HPSE: variants seen among roughly 807,000 people sequenced by gnomAD.
HPSE encodes the protein endo-glucoronidase.
A neutral mutation model predicts 65.1 loss-of-function variants in HPSE; 48 were observed. The ratio of observed to expected loss-of-function variants is 0.74; its 90% CI spans 0.58 to 0.94. The LOEUF (loss-of-function observed/expected upper bound fraction) is 0.94. Ranked by LOEUF, HPSE falls within the 40% of genes least tolerant of loss-of-function variation. HPSE has a pLI of 0.00. For synonymous variants in HPSE, 243 were observed against 260.0 expected (o/e 0.93, Z 0.63); for missense variants, 644 against 637.5 (o/e 1.01, Z -0.11).
In HPSE at chr4:83,322,221, T is replaced by G. The variant is rs1303294111; in HGVS notation, c.371A>C (p.Gln124Pro). Residue 124 changes from glutamine (Q) to proline (P), a missense_variant and splice_region_variant, in exon 2 of 12, where the codon CAG becomes CCG. By Grantham distance (76) the Gln-to-Pro change is moderately conservative. Coordinates refer to ENST00000311412, the MANE Select transcript of HPSE (RefSeq NM_001098540.3). The stretch of plus-strand genomic sequence containing the variant: ...AGTGAATCTTTAAAAATTTTCACCC[T>G]GGTTGACTTGAGATTGCCAGTAACT... Reference protein sequence around the residue: ...ERSYWQSQVNQDICKYGSIPP... With the variant: ...ERSYWQSQVNPDICKYGSIPP... The G allele has an allele frequency of 1.2e-6, 2 of 1,612,612 alleles. No individual in the cohort carries two copies. Among genetic ancestry groups the G allele is most frequent in the South Asian group, 2.2e-5 (2 of 90,730 alleles).
chr4:83,311,455 G>A (rs1316672737), intron 4 of HPSE, among the ~76,000 whole-genome samples: 1 of 152,074 alleles, frequency 6.6e-6, no homozygotes, highest in Non-Finnish European at 1.5e-5. Context: ...CAATGGATAT[G>A]GATATCTGGG....
intron 3 of HPSE, among the ~76,000 whole-genome samples, chr4:83,317,944 A>G (rs1480865951): frequency 1.3e-5 from 2 of 152,208 alleles, no homozygotes; most frequent in African/African-American, 2.4e-5. Context: ...GTCAGAGTAG[A>G]TCGCCCTCTT....
intron 4 of HPSE, among the ~76,000 whole-genome samples, chr4:83,311,527 G>A (rs1184128032): frequency 6.6e-6 from 1 of 151,946 alleles, no homozygotes; most frequent in Non-Finnish European, 1.5e-5. Flanking sequence ...TTTGAGACCG[G>A]GCACAGTGGC....
In HPSE at chr4:83,326,233, C is replaced by CT. The variant is rs950121019; in HGVS notation, c.228-3870dup. On this transcript the variant is annotated intron_variant, in intron 1 of 11. Coordinates refer to ENST00000311412, the MANE Select transcript of HPSE (RefSeq NM_001098540.3). This position sits in a 1 kb window ranked among gnomAD's most constrained non-coding sequence, Gnocchi z 4.2. ...TAATAGATTTGAGTTTTTAAAATAA[C>CT]TTTTTTTAAATGAGACAGGTTTCAC... 2.6e-5 allele frequency among the ~76,000 whole-genome samples: 4 copies of CT among 152,136 alleles called. No homozygotes were observed. The highest frequency in any genetic ancestry group is 4.4e-5 in the Non-Finnish European group (3 of 68,010).
chr4:83,334,579 G>T lies in HPSE; in HGVS notation c.204C>A (p.Asp68Glu). The stretch of plus-strand genomic sequence containing the variant: ...ACCCCAGGAGGATGAGGAACCGCGG[G>T]TCCGTGGCCAGGTTGGCGTCAATGG... ...SVTIDANLAT[D>E]PRFLILLGSP... is the part of the protein sequence containing the mutation. Residue 68 changes from aspartate (D) to glutamate (E), a missense_variant, in exon 1 of 12, where the codon GAC (aspartate) becomes GAA (glutamate). Physicochemically the swap from Asp to Glu is conservative, Grantham distance 45 (BLOSUM62 2). Coordinates refer to ENST00000311412, the MANE Select transcript of HPSE (RefSeq NM_001098540.3). 3 of 1,588,428 alleles carry T rather than the reference G, an allele frequency of 1.9e-6. No homozygotes were observed. Among genetic ancestry groups the T allele is most frequent in the Admixed American group, 3.6e-5 (2 of 56,126 alleles).
intron 3 of HPSE, among the ~76,000 whole-genome samples, chr4:83,317,164 G>A (rs1235339218): frequency 1.3e-5 from 2 of 152,208 alleles, no homozygotes; most frequent in African/African-American, 4.8e-5. Context: ...CTCCCAAAGT[G>A]CTGGGATTAC....
intron 9 of HPSE, among the ~76,000 whole-genome samples, chr4:83,303,035 C>T (rs1736011936): frequency 6.6e-6 from 1 of 152,026 alleles, no homozygotes; most frequent in Admixed American, 6.6e-5. Context: ...TCCCCCCACC[C>T]CAATAAAGTA....
rs919268172 is a variant in HPSE, at chr4:83,334,694, G to C, written c.89C>G (p.Pro30Arg). ...PLGPLSPGAL[P>R]RPAQAQDVVD... is the part of the protein sequence containing the mutation. ...GACGTCCTGTGCTTGCGCAGGTCGG[G>C]GCAGGGCGCCAGGGGAGAGGGGACC... is the stretch of plus-strand genomic sequence containing the variant. Residue 30 changes from proline (P) to arginine (R), a missense_variant, in exon 1 of 12, where the codon CCC (proline) becomes CGC (arginine). Coordinates refer to ENST00000311412, the MANE Select transcript of HPSE (RefSeq NM_001098540.3). The C allele has an allele frequency of 7.0e-6, 11 of 1,570,536 alleles. No individual in the cohort carries two copies. The highest frequency in any genetic ancestry group is 1.4e-5 in the African/African-American group (1 of 73,924).
upstream of HPSE, chr4:83,334,889 GC>G (rs1170496999): frequency 2.1e-6 from 3 of 1,421,644 alleles, no homozygotes; most frequent in East Asian, 7.7e-5. Context: ...CCTTTCCTCC[GC>G]CCCGTTACGC....
In HPSE at chr4:83,313,191, C is replaced by T. The variant is rs1414468983; in HGVS notation, c.596G>A (p.Trp199Ter). ...NALLRTADLQ[W>*]NSSNAQLLLD... ...GAGCAACTGAGCATTAGAACTGTTCCACTGCAAATCTGCTGTTCTTAATAA... is the reference window on the plus strand; with the variant it reads ...GAGCAACTGAGCATTAGAACTGTTCTACTGCAAATCTGCTGTTCTTAATAA... The change falls in exon 4 of 12, where the codon TGG (tryptophan) becomes TAG (stop). Residue 199 changes from tryptophan to a stop codon, truncating the protein, a stop_gained. Coordinates refer to ENST00000311412, the MANE Select transcript of HPSE (RefSeq NM_001098540.3). LOFTEE classifies it high-confidence loss of function. The T allele has an allele frequency of 6.2e-7, 1 of 1,613,626 alleles. No individual in the cohort carries two copies. Among genetic ancestry groups the T allele is most frequent in the East Asian group, 2.2e-5 (1 of 44,886 alleles).
At chr4:83,302,086 G>T in intron 10 of HPSE, 64 bp downstream of exon 10, 1 of 1,031,368 alleles carries the variant, frequency 9.7e-7, no homozygotes, top group South Asian at 1.3e-5. Context: ...CAGGGTGTTT[G>T]AGTAAAGTTA....
intron 10 of HPSE, 81 bp downstream of exon 10, chr4:83,302,069 C>T (rs1480748831): frequency 4.9e-6 from 4 of 822,708 alleles, no homozygotes; most frequent in Non-Finnish European, 8.3e-6. Context: ...TGTATAGACA[C>T]ATGCAACAGG....
At chr4:83,317,706 A>C (rs1339530901) in intron 3 of HPSE, among the ~76,000 whole-genome samples, 1 of 152,180 alleles carries the variant, frequency 6.6e-6, no homozygotes, top group African/African-American at 2.4e-5. Context: ...TATAATGTTT[A>C]ATGCGACCCC....
intron 4 of HPSE, among the ~76,000 whole-genome samples, chr4:83,312,771 G>A (rs1409154161): frequency 7.2e-6 from 1 of 139,004 alleles, no homozygotes; most frequent in Non-Finnish European, 1.5e-5. Flanking sequence ...GCCGAGGAGG[G>A]CAGATCACGA....
At position 83,326,525 on chromosome 4, in the gene HPSE, C is replaced by G. The variant is rs1173514215; in HGVS notation, c.228-4161G>C. On this transcript the variant is annotated intron_variant, in intron 1 of 11. Coordinates refer to ENST00000311412, the MANE Select transcript of HPSE (RefSeq NM_001098540.3). The surrounding 1 kb of genome is among the most constrained non-coding windows in gnomAD (Gnocchi z 4.2). ...CTAAGTTTTGTAGAATTTGAGATAC[C>G]AATGGAACACCAAAAAACATACTTC... is the stretch of plus-strand genomic sequence containing the variant. Among the ~76,000 whole-genome samples the G allele has an allele frequency of 6.6e-6, 1 of 152,130 alleles. No individual in the cohort carries two copies. The highest frequency in any genetic ancestry group is 1.5e-5 in the Non-Finnish European group (1 of 68,024).
rs563808423 is a variant in HPSE, at chr4:83,299,251, CT to C, written c.1472+1708del. Among the ~76,000 whole-genome samples, 248 of 151,300 alleles carry C rather than the reference CT, an allele frequency of 1.6e-3. 1 individual carries two copies. Among genetic ancestry groups the C allele is most frequent in the Middle Eastern group, 0.01 (3 of 290 alleles). On this transcript the variant is annotated intron_variant, in intron 11 of 11. Transcript: ENST00000311412. ...TGGTGATGCATGCCTCTAATCCCAGCTACTAGGGAGGCTGAGGTGGGAGAAT... is the reference window on the plus strand; with the variant it reads ...TGGTGATGCATGCCTCTAATCCCAGCACTAGGGAGGCTGAGGTGGGAGAAT...
intron 11 of HPSE, among the ~76,000 whole-genome samples, chr4:83,300,542 A>C (rs980795915): frequency 3.9e-5 from 6 of 152,156 alleles, no homozygotes; most frequent in Non-Finnish European, 8.8e-5. Flanking sequence ...TCATACATAA[A>C]TTTCCTGAAT....
At chr4:83,331,981 G>T (rs987019027) in intron 1 of HPSE, among the ~76,000 whole-genome samples, 4 of 152,076 alleles carry the variant, frequency 2.6e-5, no homozygotes, top group African/African-American at 9.7e-5. Context: ...TTTAAAATGG[G>T]GGTGACAAAA....
intron 3 of HPSE, among the ~76,000 whole-genome samples, chr4:83,316,577 GGGCCTGGGTGTAGGCAAC>G (rs1423429774): frequency 6.6e-6 from 1 of 152,110 alleles, no homozygotes; most frequent in Non-Finnish European, 1.5e-5. Context: ...CATCCAATGT[GGGCCTGGGTGTAGGCAAC>G]GGAAGAATGG....
Sources: allele counts gnomAD v4.1 joint callset (sites outside exome capture counted in the v4.1 genomes callset), GRCh38; gene constraint gnomAD v4.1.1; non-coding constraint Gnocchi (gnomAD v3.1); transcripts MANE v1.5; gene names NCBI Gene and HGNC (gene_info 2026-07-23, HGNC 2026-07-21).